Variants in VDR observed in about 807,000 individuals in gnomAD.
The protein encoded by VDR is vitamin D3 receptor.
A neutral mutation model predicts 39.7 loss-of-function variants in VDR; 19 were observed. That is an observed-to-expected ratio of 0.48 (90% CI 0.33 to 0.70). VDR has a LOEUF of 0.70. Among genes scored for constraint, VDR ranks in the 30% least tolerant of loss-of-function variants. The pLI is 0.02. For synonymous variants in VDR, 242 were observed against 215.8 expected (o/e 1.12, Z -1.07); for missense variants, 442 against 570.5 (o/e 0.77, Z 2.29).
chr12:47,886,493 C>T (rs559507650), intron 1 of VDR, among the ~76,000 whole-genome samples: 2 of 152,200 alleles, frequency 1.3e-5, no homozygotes, highest in East Asian at 3.8e-4. Flanking sequence ...AAGAAGCTGA[C>T]AGAGAACAGA....
chr12:47,880,920 A>G (rs1018046072), intron 2 of VDR, among the ~76,000 whole-genome samples: 2 of 148,182 alleles, frequency 1.3e-5, no homozygotes, highest in Non-Finnish European at 3.0e-5. Flanking sequence ...TGTATATATT[A>G]AATTTTAGCA....
chr12:47,903,759 C>T (rs903015714), intron 1 of VDR, among the ~76,000 whole-genome samples: 1 of 152,158 alleles, frequency 6.6e-6, no homozygotes, highest in African/African-American at 2.4e-5. Flanking sequence ...GAAGGAAGGG[C>T]TGGAAAAGCC....
chr12:47,871,292 C>CTCTTTCTT (rs60835997), intron 3 of VDR, among the ~76,000 whole-genome samples: 13,489 of 79,660 alleles, frequency 0.17, 1,955 homozygotes, highest in East Asian at 0.24. Context: ...CTTTCTCTTT[C>CTCTTTCTT]TCTTTCTTTC....
chr12:47,850,628 G>C (rs992419569), intron 7 of VDR, among the ~76,000 whole-genome samples: 2 of 152,138 alleles, frequency 1.3e-5, no homozygotes, highest in African/African-American at 4.8e-5. Flanking sequence ...ACAGCTCACA[G>C]CCAGGACCAG....
At chr12:47,871,342 C>CTTTCTTTCTTTCT (rs1565622792) in intron 3 of VDR, among the ~76,000 whole-genome samples, 4 of 144,778 alleles carry the variant, frequency 2.8e-5, no homozygotes, top group Non-Finnish European at 6.1e-5. Context: ...TTCTTTCTTT[C>CTTTCTTTCTTTCT]TTTCTTTCTT....
In VDR at chr12:47,870,117, C is replaced by T. The variant is rs112971329; in HGVS notation, c.147-4940G>A. 2.0e-3 allele frequency among the ~76,000 whole-genome samples: 308 copies of T among 152,306 alleles called. 3 individuals are homozygous for T. Among genetic ancestry groups the T allele is most frequent in the African/African-American group, 6.8e-3 (283 of 41,564 alleles). ...TCTGGAACTCAGATCCCAGAGCTGGCCTTTCAGGTGTGTCTGGCCCAACAT... is the reference window on the plus strand; with the variant it reads ...TCTGGAACTCAGATCCCAGAGCTGGTCTTTCAGGTGTGTCTGGCCCAACAT... On this transcript the variant is annotated intron_variant, in intron 3 of 9. Coordinates refer to ENST00000549336, the MANE Select transcript of VDR (RefSeq NM_000376.3).
At chr12:47,903,529 G>T (rs1395457558) in intron 1 of VDR, among the ~76,000 whole-genome samples, 1 of 152,222 alleles carries the variant, frequency 6.6e-6, no homozygotes, top group Non-Finnish European at 1.5e-5. Context: ...GGAAGGGACG[G>T]CAGGTCTCTC....
chr12:47,872,481 T>A (rs1945903927), intron 3 of VDR, among the ~76,000 whole-genome samples: 1 of 152,210 alleles, frequency 6.6e-6, no homozygotes, highest in African/African-American at 2.4e-5. Context: ...GCTCTCTGGG[T>A]GCCTAGCATG....
chr12:47,882,976 G>A, intron 1 of VDR: 1 of 526,752 alleles, frequency 1.9e-6, no homozygotes, highest in East Asian at 3.5e-5. Context: ...CAGCAGCCAG[G>A]ATGGCCCTCC....
chr12:47,904,845 G>T, intron 1 of VDR, 110 bp downstream of exon 1: 1 of 444,824 alleles, frequency 2.2e-6, no homozygotes, highest in Non-Finnish European at 4.0e-6. Flanking sequence ...TTACCGCTGA[G>T]ACTTAGACTC....
intron 7 of VDR, among the ~76,000 whole-genome samples, chr12:47,851,185 G>C (rs1439774837): frequency 1.3e-5 from 2 of 152,032 alleles, no homozygotes; most frequent in Non-Finnish European, 2.9e-5. Context: ...TATGTGGCCT[G>C]GTCTCTTGTG....
At chr12:47,879,165 G>A (rs751575238) in intron 2 of VDR, 50 bp from the exon 3 acceptor site, 18 of 1,592,312 alleles carry the variant, frequency 1.1e-5, no homozygotes, top group Admixed American at 1.7e-5. Flanking sequence ...CAGTGCCAGG[G>A]CCAGCTGGCA....
intron 7 of VDR, among the ~76,000 whole-genome samples, chr12:47,853,219 G>A (rs1187379895): frequency 6.6e-6 from 1 of 152,076 alleles, no homozygotes; most frequent in Non-Finnish European, 1.5e-5. Context: ...GAGACAGGCG[G>A]ATCACGAGGT....
At chr12:47,895,438 G>A (rs1430360643) in intron 1 of VDR, among the ~76,000 whole-genome samples, 2 of 152,178 alleles carry the variant, frequency 1.3e-5, no homozygotes, top group Non-Finnish European at 2.9e-5. Flanking sequence ...GGAGGGGAAG[G>A]TATTCTTGGA....
At position 47,869,429 on chromosome 12, in the gene VDR, G is replaced by A. The variant is rs979208461; in HGVS notation, c.147-4252C>T. On this transcript the variant is annotated intron_variant, in intron 3 of 9. Transcript: ENST00000549336. ...CGGGCGCCTGTAGTCCCAGCTACTC[G>A]GGAGGCTGAGGCAGGAGAATGGCGT... 5.9e-5 allele frequency among the ~76,000 whole-genome samples: 9 copies of A among 151,638 alleles called. No individual in the cohort carries two copies. The East Asian group carries it at 1.2e-3, about 20-fold the overall frequency.
intron 4 of VDR, among the ~76,000 whole-genome samples, chr12:47,860,375 A>G (rs568434563): frequency 2.6e-5 from 4 of 152,274 alleles, no homozygotes; most frequent in South Asian, 2.1e-4. Context: ...ATCCACACAG[A>G]TTACACCAAC....
intron 1 of VDR, among the ~76,000 whole-genome samples, chr12:47,883,941 C>T (rs1946208022): frequency 6.6e-6 from 1 of 152,264 alleles, no homozygotes; most frequent in Non-Finnish European, 1.5e-5. Flanking sequence ...CTAAGCTGGG[C>T]TGGCCCACCC....
rs11574130 is a variant in VDR, at chr12:47,843,496, A to AGCTGG, written c.*1245_*1249dup. The AGCTGG allele has an allele frequency of 0.032, 4,886 of 152,514 alleles. 108 individuals are homozygous for AGCTGG. The highest frequency in any genetic ancestry group is 0.057 in the Middle Eastern group (17 of 296). 9.4% of individuals were successfully genotyped at this position (152,514 alleles called of 1,614,324 possible). ...AGTAAACGGACAGACGCTTCCCACC[A>AGCTGG]GCTGGGCTGGGCTGGCTGCAGAGAG... On this transcript the variant is annotated 3_prime_UTR_variant, in exon 10 of 10. Transcript: ENST00000549336.
intron 3 of VDR, among the ~76,000 whole-genome samples, chr12:47,866,995 C>CA (rs1356833985): frequency 8.8e-6 from 1 of 113,184 alleles, no homozygotes; most frequent in African/African-American, 3.6e-5. Flanking sequence ...GACCCTGTCT[C>CA]AAAAAACAAA....
Sources: allele counts gnomAD v4.1 joint callset (sites outside exome capture counted in the v4.1 genomes callset), GRCh38; gene constraint gnomAD v4.1.1; transcripts MANE v1.5; gene names NCBI Gene and HGNC (gene_info 2026-07-23, HGNC 2026-07-21).